MMGT1: variants seen among roughly 807,000 people sequenced by gnomAD.
MMGT1 encodes the protein ER membrane protein complex subunit 5.
A neutral mutation model predicts 11.7 loss-of-function variants in MMGT1; 2 were observed. That is an observed-to-expected ratio of 0.17 (90% confidence interval 0.07 to 0.54). The LOEUF is 0.54. MMGT1 is among the 20% of genes least tolerant of loss of function. MMGT1 has a pLI of 0.94. For synonymous variants in MMGT1, 49 were observed against 44.4 expected (o/e 1.10, Z -0.41); for missense variants, 74 against 109.0 (o/e 0.68, Z 1.43).
chrX:135,969,647 G>A (rs1413120269), intron 2 of MMGT1, among the ~76,000 whole-genome samples: 1 of 111,891 alleles, frequency 8.9e-6, no homozygotes, highest in African/African-American at 3.2e-5. Context: ...CAGAAGACTT[G>A]TTTTATATAA....
Position 135,964,972 on chromosome X carries a change from C to A in MMGT1, c.*52G>T. ...AGGGAGGAGTGTTTTATACCCCAAACTCCAATATTCCAGCTCTGTGTCCTG... is the reference window on the plus strand; with the variant it reads ...AGGGAGGAGTGTTTTATACCCCAAAATCCAATATTCCAGCTCTGTGTCCTG... On this transcript the variant is annotated 3_prime_UTR_variant, in exon 4 of 4. Coordinates refer to ENST00000305963, the MANE Select transcript of MMGT1 (RefSeq NM_173470.3). The A allele has an allele frequency of 9.0e-7, 1 of 1,110,217 alleles. No homozygotes were observed. The highest frequency in any genetic ancestry group is 1.8e-5 in the African/African-American group (1 of 55,617). The allele number at this position is 1,110,217 out of a possible 1,213,427, so 91.5% of individuals were successfully genotyped here.
chrX:135,973,036 AAAACT>A (rs2089228671), intron 1 of MMGT1, among the ~76,000 whole-genome samples: 2 of 112,424 alleles, frequency 1.8e-5, no homozygotes, highest in Non-Finnish European at 3.8e-5. Context: ...ACAGCGACCC[AAAACT>A]GAATTTCATA....
chrX:135,961,372 C>A lies in MMGT1; in HGVS notation c.*3652G>T. On this transcript the variant is annotated 3_prime_UTR_variant, in exon 4 of 4. Coordinates refer to ENST00000305963, the MANE Select transcript of MMGT1 (RefSeq NM_173470.3). ...CTATTAATGTGAAATTTTTAAAGTA[C>A]AAATTTGCTGATAAAAAATAAAAAA... Among the ~76,000 whole-genome samples, 1 of 111,402 alleles carries A rather than the reference C, an allele frequency of 9.0e-6. No homozygotes were observed. The highest frequency in any genetic ancestry group is 1.9e-5 in the Non-Finnish European group (1 of 53,021).
chrX:135,970,974 G>A (rs1378416278), intron 2 of MMGT1, 84 bp downstream of exon 2: 7 of 653,772 alleles, frequency 1.1e-5, no homozygotes, highest in African/African-American at 8.9e-5. Flanking sequence ...AAAATTTTAC[G>A]AAAAACCAGT....
chrX:135,968,499 T>G (rs1462136057), intron 2 of MMGT1, among the ~76,000 whole-genome samples: 3 of 85,009 alleles, frequency 3.5e-5, no homozygotes, highest in Non-Finnish European at 6.8e-5. Context: ...CATTATGTCA[T>G]TGTGTGTGTG....
At position 135,963,262 on chromosome X, in the gene MMGT1, T is replaced by C. The variant is rs1480502084; in HGVS notation, c.*1762A>G. 1.8e-5 allele frequency: 2 copies of C among 111,331 alleles called. No individual in the cohort carries two copies. Among genetic ancestry groups the C allele is most frequent in the Admixed American group, 1.9e-4 (2 of 10,433 alleles). 9.2% of individuals were successfully genotyped at this position (111,331 alleles called of 1,213,427 possible). A position where few individuals can be genotyped will look rare whatever the true frequency, so the allele number is the denominator to read the frequency against. On this transcript the variant is annotated 3_prime_UTR_variant, in exon 4 of 4. Transcript: ENST00000305963. ...TGTGAATACACTAAAAACCACTAAA[T>C]TGTACCCTTAAAATAAGTGAATTGT...
chrX:135,966,206 AAC>A (rs1766250565), intron 3 of MMGT1, among the ~76,000 whole-genome samples: 1 of 111,863 alleles, frequency 8.9e-6, no homozygotes, highest in Non-Finnish European at 1.9e-5. Context: ...AGGATAGGAG[AAC>A]TCTTCCTTTG....
rs782088574 is a variant in MMGT1 at position 135,964,866 on chromosome X, G to A, written c.*158C>T. ...TATAACTTACACTGCATTAATGATT[G>A]GATTAACAGTATATAAACAAGGGCC... On this transcript the variant is annotated 3_prime_UTR_variant, in exon 4 of 4. Coordinates refer to ENST00000305963, the MANE Select transcript of MMGT1 (RefSeq NM_173470.3). 1.1e-4 allele frequency: 45 copies of A among 403,336 alleles called. No individual in the cohort carries two copies. Among genetic ancestry groups the A allele is most frequent in the Non-Finnish European group, 1.8e-4 (40 of 227,004 alleles). The allele number at this position is 403,336 out of a possible 1,213,427, so 33.2% of individuals were successfully genotyped here. A position where few individuals can be genotyped will look rare whatever the true frequency, so the allele number is the denominator to read the frequency against.
chrX:135,971,210 G>A, intron 1 of MMGT1, 100 bp from the exon 2 acceptor site: 1 of 544,780 alleles, frequency 1.8e-6, no homozygotes, highest in East Asian at 3.5e-5. Context: ...CTTATGTGCA[G>A]CACACCAGCA....
intron 3 of MMGT1, among the ~76,000 whole-genome samples, chrX:135,965,387 T>G (rs1473416728): frequency 2.7e-5 from 3 of 111,288 alleles, no homozygotes; most frequent in African/African-American, 9.8e-5. Context: ...AAGCAGCATA[T>G]AGCTCTCAAA....
At position 135,973,837 on chromosome X, in the gene MMGT1, A is replaced by T. The variant is rs1166293017; in HGVS notation, c.-162T>A. 1 of 1,159,057 alleles carries T rather than the reference A, an allele frequency of 8.6e-7. No individual in the cohort carries two copies. The highest frequency in any genetic ancestry group is 2.6e-5 in the Admixed American group (1 of 37,939). Reference sequence around the variant, plus strand: ...AAGCCAGAGGGCTGTGAGAAAACGGAAACAGGAATGCCGGGAAGAAGCAGA... The same window carrying T: ...AAGCCAGAGGGCTGTGAGAAAACGGTAACAGGAATGCCGGGAAGAAGCAGA... On this transcript the variant is annotated 5_prime_UTR_variant, in exon 1 of 4. Transcript: ENST00000305963.
intron 2 of MMGT1, among the ~76,000 whole-genome samples, chrX:135,968,933 A>G (rs1394763344): frequency 1.8e-5 from 2 of 111,972 alleles, no homozygotes; most frequent in Admixed American, 1.9e-4. Context: ...CTTCACAATC[A>G]ACATGAATAT....
At chrX:135,968,856 G>C (rs1211946372) in intron 2 of MMGT1, among the ~76,000 whole-genome samples, 1 of 111,490 alleles carries the variant, frequency 9.0e-6, no homozygotes. Flanking sequence ...TGTATTTCAT[G>C]ATATGAAAAT....
At position 135,973,727 on chromosome X, in the gene MMGT1, T is replaced by A; in HGVS notation, c.-52A>T. The A allele has an allele frequency of 8.6e-7, 1 of 1,166,386 alleles. No homozygotes were observed. Among genetic ancestry groups the A allele is most frequent in the Admixed American group, 2.6e-5 (1 of 38,691 alleles). On this transcript the variant is annotated 5_prime_UTR_variant, in exon 1 of 4. Transcript: ENST00000305963. ...AAAGAAGCGAAGGACGGCGGAGCTGTTTCTTCTTCCACCGGCGGGTGTCCG... is the reference window on the plus strand; with the variant it reads ...AAAGAAGCGAAGGACGGCGGAGCTGATTCTTCTTCCACCGGCGGGTGTCCG...
intron 2 of MMGT1, among the ~76,000 whole-genome samples, chrX:135,967,784 T>G (rs2089194163): frequency 8.9e-6 from 1 of 112,208 alleles, no homozygotes; most frequent in Admixed American, 9.4e-5. Flanking sequence ...GATCAAATAT[T>G]ACCTGCTTCC....
In MMGT1 at chrX:135,969,144, ATGTGTGTG is replaced by A. The variant is rs10679302; in HGVS notation, c.133-1659_133-1652del. Among the ~76,000 whole-genome samples the A allele has an allele frequency of 5.9e-3, 591 of 100,941 alleles. 4 individuals are homozygous for A. The highest frequency in any genetic ancestry group is 0.019 in the African/African-American group (525 of 27,628). The allele number at this position is 100,941 out of a possible 115,157, so 87.7% of individuals were successfully genotyped here. A position where few individuals can be genotyped will look rare whatever the true frequency, so the allele number is the denominator to read the frequency against. On this transcript the variant is annotated intron_variant, in intron 2 of 3. Transcript: ENST00000305963. ...CTTTAAAATAGACATAAATATGTGT[ATGTGTGTG>A]TGTGTGTGTGTGTGTGTGTATCTAC... is the stretch of plus-strand genomic sequence containing the variant.
intron 2 of MMGT1, among the ~76,000 whole-genome samples, chrX:135,970,274 G>T (rs1371570153): frequency 1.8e-5 from 2 of 110,398 alleles, no homozygotes; most frequent in Non-Finnish European, 3.8e-5. Flanking sequence ...GGCTGAGGAA[G>T]GATAATTGCT....
Position 135,973,741 on chromosome X carries a change from G to C in MMGT1, c.-66C>G. The C allele has an allele frequency of 8.6e-7, 1 of 1,166,531 alleles. No individual in the cohort carries two copies. The highest frequency in any genetic ancestry group is 1.1e-6 in the Non-Finnish European group (1 of 872,787). The stretch of plus-strand genomic sequence containing the variant: ...CGGCGGAGCTGTTTCTTCTTCCACC[G>C]GCGGGTGTCCGCGCGCCGCAGAAAG... On this transcript the variant is annotated 5_prime_UTR_variant, in exon 1 of 4. Transcript: ENST00000305963.
At chrX:135,970,723 C>A (rs1027621968) in intron 2 of MMGT1, among the ~76,000 whole-genome samples, 1 of 111,908 alleles carries the variant, frequency 8.9e-6, no homozygotes, top group Non-Finnish European at 1.9e-5. Flanking sequence ...TCGTGGCTAA[C>A]ACGGTGAAAC....
Sources: gnomAD v4.1 joint callset for allele counts (sites outside exome capture counted in the v4.1 genomes callset) on GRCh38, gnomAD v4.1.1 for gene constraint, MANE v1.5 for transcripts, NCBI Gene and HGNC (gene_info 2026-07-23, HGNC 2026-07-21) for gene names.